Variants in PLAC1 observed in about 807,000 individuals in gnomAD.
The protein encoded by PLAC1 is placenta-specific protein 1.
For missense variants in PLAC1, 136 were observed against 163.2 expected (o/e 0.83, Z 0.91); for synonymous variants, 68 against 62.1 (o/e 1.09, Z -0.44).
Position 134,670,173 on chromosome X carries a change from C to T in PLAC1, n.174+63262G>A, listed in dbSNP as rs747310584. On this transcript the variant is annotated intron_variant and non_coding_transcript_variant, in intron 2 of 2. Transcript: ENST00000466797. ...TGCTACCTGGGAGCTCCCAGCCCAG[C>T]CTTCTATGTTCACCTGAAAAGCCCA... Among the ~76,000 whole-genome samples the T allele has an allele frequency of 1.6e-4, 18 of 110,464 alleles. No individual in the cohort carries two copies. In the South Asian group the frequency reaches 6.7e-3, roughly 41 times the overall value.
At chrX:134,656,180 C>T (rs2078390750) in intron 1 of PLAC1, among the ~76,000 whole-genome samples, 1 of 112,109 alleles carries the variant, frequency 8.9e-6, no homozygotes, top group African/African-American at 3.2e-5. Context: ...TGGCTATTTC[C>T]TATTTCTCAT....
intron 1 of PLAC1, among the ~76,000 whole-genome samples, chrX:134,634,607 A>G (rs1334646023): frequency 3.6e-5 from 4 of 112,278 alleles, no homozygotes; most frequent in Non-Finnish European, 5.6e-5. Context: ...TTTCCTAGAA[A>G]TGGAATAATA....
intron 2 of PLAC1, among the ~76,000 whole-genome samples, chrX:134,670,820 C>T (rs2078452972): frequency 1.8e-5 from 2 of 112,127 alleles, no homozygotes; most frequent in African/African-American, 6.5e-5. Flanking sequence ...GATTTGGTCT[C>T]TGCAAACTCC....
At chrX:134,571,371 T>TTC (rs1160599300) in intron 2 of PLAC1, among the ~76,000 whole-genome samples, 6 of 111,764 alleles carry the variant, frequency 5.4e-5, no homozygotes, top group Non-Finnish European at 1.1e-4. Context: ...ATTGCCTTAC[T>TTC]TTAAGAAGTA....
At chrX:134,649,109 A>T (rs1371730143) in intron 1 of PLAC1, among the ~76,000 whole-genome samples, 1 of 109,991 alleles carries the variant, frequency 9.1e-6, no homozygotes, top group African/African-American at 3.3e-5. Flanking sequence ...TCTACTAAAA[A>T]TACAAAAAAT....
chrX:134,670,758 C>G (rs184743148), intron 2 of PLAC1, among the ~76,000 whole-genome samples: 1 of 112,094 alleles, frequency 8.9e-6, no homozygotes, highest in African/African-American at 3.2e-5. Flanking sequence ...CAACTCATAC[C>G]AAGAGCAAGC....
chrX:134,640,866 G>A (rs2078304499), intron 1 of PLAC1, among the ~76,000 whole-genome samples: 1 of 112,189 alleles, frequency 8.9e-6, no homozygotes, highest in Non-Finnish European at 1.9e-5. Context: ...AATCCCAAAG[G>A]TTTGGGACGC....
At chrX:134,705,172 G>C (rs1288683759) in intron 2 of PLAC1, among the ~76,000 whole-genome samples, 2 of 106,700 alleles carry the variant, frequency 1.9e-5, no homozygotes, top group Non-Finnish European at 3.8e-5. Flanking sequence ...TGTAATCCCA[G>C]CACTTTGGGA....
intron 1 of PLAC1, among the ~76,000 whole-genome samples, chrX:134,618,794 T>C (rs916221818): frequency 9.0e-6 from 1 of 111,582 alleles, no homozygotes; most frequent in African/African-American, 3.3e-5. Context: ...CTCAGAGAGA[T>C]TAAGTGACTT....
rs1050358460 is a variant in PLAC1, at chrX:134,739,279, T to C, written n.90-5760A>G. 2.7e-5 allele frequency among the ~76,000 whole-genome samples: 3 copies of C among 112,465 alleles called. No homozygotes were observed. In the Admixed American group the frequency reaches 2.8e-4, roughly 11 times the overall value. On this transcript the variant is annotated intron_variant and non_coding_transcript_variant, in intron 1 of 2. Transcript: ENST00000466797. ...GGAGTGTGTGTGAAAGGGACTGTTT[T>C]GTTAAATTGATTTTTTTATTCGACT...
intron 1 of PLAC1, among the ~76,000 whole-genome samples, chrX:134,754,879 A>G (rs1336833527): frequency 9.3e-6 from 1 of 107,451 alleles, no homozygotes; most frequent in Non-Finnish European, 1.9e-5. Context: ...GTTTGCAATG[A>G]AACGGTAGGA....
At chrX:134,699,882 A>AC (rs1433668423) in intron 2 of PLAC1, among the ~76,000 whole-genome samples, 1 of 112,203 alleles carries the variant, frequency 8.9e-6, no homozygotes, top group Non-Finnish European at 1.9e-5. Context: ...GCCCTGGTGT[A>AC]ACTAATCTAC....
At chrX:134,642,191 C>T (rs190858342) in intron 1 of PLAC1, among the ~76,000 whole-genome samples, 2 of 112,237 alleles carry the variant, frequency 1.8e-5, no homozygotes, top group East Asian at 2.8e-4. Context: ...GCGCAGAACA[C>T]GTCCCCAAAG....
intron 2 of PLAC1, among the ~76,000 whole-genome samples, chrX:134,575,782 A>G (rs2077935722): frequency 9.2e-6 from 1 of 108,689 alleles, no homozygotes; most frequent in African/African-American, 3.3e-5. Flanking sequence ...AAAAAAAAAA[A>G]AAAAGTAGAA....
chrX:134,755,682 C>T (rs2078754884), intron 1 of PLAC1, among the ~76,000 whole-genome samples: 1 of 110,547 alleles, frequency 9.0e-6, no homozygotes, highest in Non-Finnish European at 1.9e-5. Context: ...TGTATACTTT[C>T]TTCTGTGAAC....
At position 134,590,002 on chromosome X, in the gene PLAC1, T is replaced by C. The variant is rs2078028217; in HGVS notation, c.-59+12049A>G. Among the ~76,000 whole-genome samples the C allele has an allele frequency of 3.0e-5, 3 of 101,609 alleles. No individual in the cohort carries two copies. In the South Asian group the frequency reaches 1.4e-3, roughly 47 times the overall value. 88.2% of individuals were successfully genotyped at this position (101,609 alleles called of 115,157 possible). A position where few individuals can be genotyped will look rare whatever the true frequency, so the allele number is the denominator to read the frequency against. ...CAAGGTCAGGAGATCAAGACCATCC[T>C]GGCTAACATGGTGAAAACCCATCTG... is the stretch of plus-strand genomic sequence containing the variant. On this transcript the variant is annotated intron_variant, in intron 2 of 2. Coordinates refer to ENST00000359237, the MANE Select transcript of PLAC1 (RefSeq NM_021796.4).
chrX:134,591,877 A>G (rs1307264266), intron 2 of PLAC1, among the ~76,000 whole-genome samples: 2 of 112,057 alleles, frequency 1.8e-5, no homozygotes, highest in Non-Finnish European at 3.8e-5. Flanking sequence ...TGAAGTATTA[A>G]TTTGCATTTC....
intron 1 of PLAC1, among the ~76,000 whole-genome samples, chrX:134,603,240 G>T (rs1249381716): frequency 1.6e-5 from 1 of 62,523 alleles, no homozygotes; most frequent in Non-Finnish European, 2.9e-5. Flanking sequence ...GCAGAGAACT[G>T]TTGTTTTTTA....
intron 2 of PLAC1, among the ~76,000 whole-genome samples, chrX:134,715,989 C>T (rs1470932217): frequency 2.7e-5 from 3 of 112,911 alleles, no homozygotes; most frequent in Non-Finnish European, 3.7e-5. Context: ...CCCCAAAGGC[C>T]GGCCAGAGTG....
Sources: gnomAD v4.1 joint callset for allele counts (sites outside exome capture counted in the v4.1 genomes callset) on GRCh38, gnomAD v4.1.1 for gene constraint, MANE v1.5 for transcripts, NCBI Gene and HGNC (gene_info 2026-07-23, HGNC 2026-07-21) for gene names.